The following SEC23A variants were observed in gnomAD, a reference collection of about 807,000 sequenced individuals.
SEC23A encodes the protein protein transport protein Sec23A.
In SEC23A, 56 loss-of-function variants were observed where a neutral mutation model predicts 103.7. The observed-to-expected ratio is 0.54, with a 90% CI of 0.44 to 0.67. The LOEUF (loss-of-function observed/expected upper bound fraction) is 0.67, where lower values mean the gene tolerates loss of function less well. Ranked by LOEUF, SEC23A falls within the 30% of genes least tolerant of loss-of-function variation. The pLI, the probability that SEC23A is intolerant of heterozygous loss-of-function variation, is 0.00. For missense variants in SEC23A, 784 were observed against 936.4 expected, an observed-to-expected ratio of 0.84 and a Z score of 2.12; for synonymous variants, 281 against 293.0, an observed-to-expected ratio of 0.96 and a Z score of 0.42.
Position 39,076,098 on chromosome 14 carries a change from T to TA in SEC23A, c.829-6dup, listed in dbSNP as rs769315513. 7.6e-5 allele frequency: 121 copies of TA among 1,590,442 alleles called. No homozygotes were observed. Among genetic ancestry groups the TA allele is most frequent in the Admixed American group, 1.0e-4 (6 of 57,970 alleles). On this transcript the variant is annotated splice_polypyrimidine_tract_variant and splice_region_variant and intron_variant, in intron 7 of 19. Transcript: ENST00000307712. ...ACCAGTGTTGGGAAAAGTACACTAT[T>TA]AAAAAAAAAGTCAAGAGTTTAAAAG...
intron 15 of SEC23A, 96 bp from the exon 16 acceptor site, chr14:39,045,420 C>A: frequency 1.2e-6 from 1 of 807,852 alleles, no homozygotes; most frequent in East Asian, 2.7e-5. Flanking sequence ...CTATTAACAA[C>A]ATAACAAAAC....
chr14:39,068,825 T>C (rs967096925), intron 9 of SEC23A, among the ~76,000 whole-genome samples: 3 of 152,214 alleles, frequency 2.0e-5, no homozygotes, highest in Non-Finnish European at 4.4e-5. Context: ...TTATAACTAA[T>C]TGACCATAAT....
chr14:39,099,037 C>T (rs1435937426), intron 1 of SEC23A, among the ~76,000 whole-genome samples: 1 of 151,342 alleles, frequency 6.6e-6, no homozygotes, highest in Non-Finnish European at 1.5e-5. Context: ...AGGTATTACA[C>T]AGATATTTTC....
intron 14 of SEC23A, among the ~76,000 whole-genome samples, chr14:39,052,130 G>A (rs995254960): frequency 3.9e-5 from 6 of 152,030 alleles, no homozygotes; most frequent in Non-Finnish European, 5.9e-5. Flanking sequence ...CACATGGGGG[G>A]CAACAACACA....
chr14:39,093,263 A>C lies in SEC23A; in HGVS notation c.222-19T>G, dbSNP rs377278498. On this transcript the variant is annotated intron_variant, in intron 2 of 19. Transcript: ENST00000307712. ...CACTTGACTGTTTTAAAAAAAAAGA[A>C]AAGACATATCAGTTCATATTTCAGT... 99 of 1,601,884 alleles carry C rather than the reference A, an allele frequency of 6.2e-5. No homozygotes were observed. Among genetic ancestry groups the C allele is most frequent in the Non-Finnish European group, 7.8e-5 (91 of 1,172,404 alleles).
intron 5 of SEC23A, among the ~76,000 whole-genome samples, chr14:39,090,286 G>GT (rs1887611642): frequency 6.6e-6 from 1 of 152,068 alleles, no homozygotes; most frequent in African/African-American, 2.4e-5. Flanking sequence ...TACTTAGAAA[G>GT]TTTTTTCAAA....
At chr14:39,055,366 C>T (rs777507317) in intron 13 of SEC23A, 70 bp from the exon 14 acceptor site, 8 of 1,470,834 alleles carry the variant, frequency 5.4e-6, no homozygotes, top group South Asian at 1.2e-5. Flanking sequence ...TTGGCTACCA[C>T]ACAAATTTAA....
At chr14:39,059,364 C>T (rs944048574) in intron 13 of SEC23A, among the ~76,000 whole-genome samples, 4 of 140,578 alleles carry the variant, frequency 2.8e-5, no homozygotes, top group African/African-American at 1.1e-4. Flanking sequence ...CTTGAAAAGA[C>T]GGATGCTTTT....
At chr14:39,084,827 C>T (rs1177301421) in intron 7 of SEC23A, among the ~76,000 whole-genome samples, 2 of 152,122 alleles carry the variant, frequency 1.3e-5, no homozygotes, top group Admixed American at 6.6e-5. Context: ...CCCGCCACCA[C>T]GCCTGGCTAA....
intron 5 of SEC23A, among the ~76,000 whole-genome samples, chr14:39,087,368 C>T (rs1016832632): frequency 3.3e-5 from 5 of 152,162 alleles, no homozygotes; most frequent in African/African-American, 9.6e-5. Flanking sequence ...TAAGCACCTG[C>T]TATGTGGCAG....
intron 1 of SEC23A, among the ~76,000 whole-genome samples, chr14:39,102,678 C>T (rs952994697): frequency 2.0e-5 from 3 of 151,892 alleles, no homozygotes; most frequent in Non-Finnish European, 4.4e-5. Context: ...CACTCCATAT[C>T]TGGCAAGGAA....
intron 1 of SEC23A, among the ~76,000 whole-genome samples, chr14:39,100,797 A>G (rs1888062420): frequency 6.6e-6 from 1 of 152,168 alleles, no homozygotes; most frequent in South Asian, 2.1e-4. Flanking sequence ...GTATTAAACC[A>G]AAGAAATATT....
chr14:39,064,327 T>G (rs990469176), intron 11 of SEC23A, among the ~76,000 whole-genome samples: 1 of 152,342 alleles, frequency 6.6e-6, no homozygotes, highest in Non-Finnish European at 1.5e-5. Context: ...TAGAGTACGT[T>G]ATACTTCCAT....
intron 14 of SEC23A, among the ~76,000 whole-genome samples, chr14:39,051,967 GAAA>G (rs34179296): frequency 1.4e-5 from 2 of 143,792 alleles, no homozygotes. Context: ...GCTCCTTCTC[GAAA>G]AAAAAAAAAA....
intron 5 of SEC23A, among the ~76,000 whole-genome samples, chr14:39,090,230 A>G (rs1887609163): frequency 6.6e-6 from 1 of 152,154 alleles, no homozygotes; most frequent in South Asian, 2.1e-4. Context: ...AGGCTTATCT[A>G]TCATCTTCTA....
chr14:39,085,655 G>T, intron 7 of SEC23A, 107 bp downstream of exon 7: 1 of 1,388,148 alleles, frequency 7.2e-7, no homozygotes, highest in Non-Finnish European at 1.0e-6. Context: ...AGGAAAAAAA[G>T]CACTTTGGTT....
chr14:39,084,828 G>A (rs1428438846), intron 7 of SEC23A, among the ~76,000 whole-genome samples: 3 of 152,040 alleles, frequency 2.0e-5, no homozygotes, highest in African/African-American at 7.2e-5. Flanking sequence ...CCGCCACCAC[G>A]CCTGGCTAAT....
chr14:39,091,043 C>A, intron 5 of SEC23A: 1 of 398,236 alleles, frequency 2.5e-6, no homozygotes, highest in Non-Finnish European at 4.7e-6. Context: ...AAAGTGGAAA[C>A]AAAGAAAGAA....
chr14:39,092,756 T>C, intron 3 of SEC23A, 129 bp from the exon 4 acceptor site: 1 of 637,522 alleles, frequency 1.6e-6, no homozygotes, highest in Non-Finnish European at 2.7e-6. Context: ...TGAGAAATAA[T>C]TATTTGTATC....
Sources: gnomAD v4.1 joint callset for allele counts (sites outside exome capture counted in the v4.1 genomes callset) on GRCh38, gnomAD v4.1.1 for gene constraint, MANE v1.5 for transcripts, NCBI Gene and HGNC (gene_info 2026-07-23, HGNC 2026-07-21) for gene names.